The following IQCM variants were observed in gnomAD, a reference collection of about 807,000 sequenced individuals.
The protein encoded by IQCM is IQ domain-containing protein M.
IQCM carries 45 observed loss-of-function variants against 57.6 expected under a neutral mutation model. That is an observed-to-expected ratio of 0.78 (90% CI 0.62 to 1.00). IQCM has a LOEUF of 1.00. Among genes scored for constraint, IQCM ranks in the 50% least tolerant of loss-of-function variants. The probability of loss-of-function intolerance (pLI) is 0.00; values close to 1 mark genes in which losing one functional copy is unlikely to be tolerated. For missense variants in IQCM, 468 were observed against 511.6 expected (o/e 0.91, Z 0.82); for synonymous variants, 148 against 158.9 (o/e 0.93, Z 0.51).
intron 12 of IQCM, among the ~76,000 whole-genome samples, chr4:149,502,177 T>C (rs1743320821): frequency 6.6e-6 from 1 of 151,310 alleles, no homozygotes. Flanking sequence ...CACACATATA[T>C]ATGTATGTAT....
At chr4:149,480,647 T>A (rs936449790) in intron 12 of IQCM, among the ~76,000 whole-genome samples, 1 of 152,202 alleles carries the variant, frequency 6.6e-6, no homozygotes, top group African/African-American at 2.4e-5. Context: ...ACATTTTCTT[T>A]AGGCATTCAT....
chr4:149,550,921 AC>A (rs1171629441), intron 11 of IQCM, among the ~76,000 whole-genome samples: 1 of 152,192 alleles, frequency 6.6e-6, no homozygotes, highest in East Asian at 1.9e-4. Flanking sequence ...TGTTGGACAG[AC>A]CACCATCTGT....
chr4:149,763,334 T>G (rs1197682525), intron 2 of IQCM, among the ~76,000 whole-genome samples: 2 of 152,048 alleles, frequency 1.3e-5, no homozygotes, highest in Non-Finnish European at 2.9e-5. Flanking sequence ...AAATAAACAT[T>G]TGCAGTCATC....
At chr4:149,394,936 G>C (rs1050326119) in intron 13 of IQCM, among the ~76,000 whole-genome samples, 48 of 151,936 alleles carry the variant, frequency 3.2e-4, no homozygotes, top group Admixed American at 7.9e-4. Context: ...CTGCCATGAG[G>C]TCATATCACT....
At chr4:149,355,849 C>G (rs1033050543) in intron 13 of IQCM, among the ~76,000 whole-genome samples, 2 of 152,116 alleles carry the variant, frequency 1.3e-5, no homozygotes, top group Non-Finnish European at 2.9e-5. Flanking sequence ...AACTAGTTTA[C>G]AGTCCCACCA....
intron 13 of IQCM, among the ~76,000 whole-genome samples, chr4:149,405,558 T>TTA (rs1732917574): frequency 7.2e-6 from 1 of 138,526 alleles, no homozygotes; most frequent in African/African-American, 2.7e-5. Context: ...TAAAGTATAA[T>TTA]AAAAAAAAAA....
chr4:149,660,359 T>C (rs1026463081), intron 7 of IQCM, among the ~76,000 whole-genome samples: 1 of 152,016 alleles, frequency 6.6e-6, no homozygotes, highest in African/African-American at 2.4e-5. Flanking sequence ...TATGGAGAAA[T>C]AGGAACACTT....
At chr4:149,705,141 T>C (rs1764060208) in intron 5 of IQCM, among the ~76,000 whole-genome samples, 1 of 147,018 alleles carries the variant, frequency 6.8e-6, no homozygotes. Context: ...CATATATATC[T>C]ATATTATACA....
At chr4:149,580,023 G>T (rs1245664347) in intron 9 of IQCM, among the ~76,000 whole-genome samples, 1 of 151,780 alleles carries the variant, frequency 6.6e-6, no homozygotes, top group African/African-American at 2.4e-5. Context: ...AGCACAAGCA[G>T]ATCAGTATCA....
At chr4:149,454,971 C>A (rs145644899) in intron 12 of IQCM, among the ~76,000 whole-genome samples, 1 of 151,908 alleles carries the variant, frequency 6.6e-6, no homozygotes, top group African/African-American at 2.4e-5. Context: ...TCTGTGAATA[C>A]CCTATCATTG....
chr4:149,477,732 G>A (rs546192123), intron 12 of IQCM, among the ~76,000 whole-genome samples: 49 of 152,276 alleles, frequency 3.2e-4, no homozygotes, highest in Non-Finnish European at 5.3e-4. Flanking sequence ...ATCCTGGCCC[G>A]TGTGTTGGAG....
chr4:149,767,652 G>A (rs540225100), intron 2 of IQCM, among the ~76,000 whole-genome samples: 4 of 151,990 alleles, frequency 2.6e-5, no homozygotes, highest in Admixed American at 2.6e-4. Flanking sequence ...GAAGGCCTAT[G>A]GTCTTCCCTC....
At chr4:149,612,141 A>C (rs1249445818) in intron 8 of IQCM, among the ~76,000 whole-genome samples, 1 of 151,930 alleles carries the variant, frequency 6.6e-6, no homozygotes, top group East Asian at 1.9e-4. Context: ...ACCTTCAAGC[A>C]ATCAGATCTT....
chr4:149,483,633 T>C (rs1266659750), intron 12 of IQCM, among the ~76,000 whole-genome samples: 2 of 152,012 alleles, frequency 1.3e-5, no homozygotes, highest in Non-Finnish European at 2.9e-5. Flanking sequence ...GAAGAGAAGA[T>C]GCTTGATGTT....
chr4:149,633,228 G>A (rs1757447220), intron 7 of IQCM, among the ~76,000 whole-genome samples: 1 of 146,332 alleles, frequency 6.8e-6, no homozygotes, highest in Non-Finnish European at 1.5e-5. Flanking sequence ...AACAAGAACA[G>A]TGAAATGAGC....
intron 13 of IQCM, among the ~76,000 whole-genome samples, chr4:149,366,995 T>G (rs7678460): frequency 1.3e-5 from 2 of 151,758 alleles, no homozygotes; most frequent in Non-Finnish European, 1.5e-5. Context: ...ATAATAACTG[T>G]CATTTAATGT....
intron 13 of IQCM, among the ~76,000 whole-genome samples, chr4:149,386,350 G>C (rs1034522155): frequency 6.6e-6 from 1 of 151,980 alleles, no homozygotes; most frequent in Non-Finnish European, 1.5e-5. Context: ...ACAAAGTATA[G>C]AGAATATGTA....
Position 149,429,631 on chromosome 4 carries a change from T to C in IQCM, c.1390+3765A>G, listed in dbSNP as rs189831323. Reference sequence around the variant, plus strand: ...TTGATAGATCTCTGAATTTACAGAGTGAAATCAATAAACAGGAGTACCTAC... The same window carrying C: ...TTGATAGATCTCTGAATTTACAGAGCGAAATCAATAAACAGGAGTACCTAC... On this transcript the variant is annotated intron_variant, in intron 13 of 13. Coordinates refer to ENST00000636793, the MANE Select transcript of IQCM (RefSeq NM_001363507.2). Among the ~76,000 whole-genome samples the C allele has an allele frequency of 2.1e-3, 321 of 151,978 alleles. 4 individuals carry two copies. Among genetic ancestry groups the C allele is most frequent in the African/African-American group, 7.4e-3 (309 of 41,508 alleles).
chr4:149,478,443 T>C (rs1011871788), intron 12 of IQCM, among the ~76,000 whole-genome samples: 1 of 152,192 alleles, frequency 6.6e-6, no homozygotes, highest in Non-Finnish European at 1.5e-5. Flanking sequence ...TGATGATGCA[T>C]GGGTCACTAA....
Sources: gnomAD v4.1 joint callset for allele counts (sites outside exome capture counted in the v4.1 genomes callset) on GRCh38, gnomAD v4.1.1 for gene constraint, MANE v1.5 for transcripts, NCBI Gene and HGNC (gene_info 2026-07-23, HGNC 2026-07-21) for gene names.